The following CSNK1G3 variants were observed in gnomAD, a reference collection of about 807,000 sequenced individuals.
CSNK1G3 encodes casein kinase I isoform gamma-3.
A neutral mutation model predicts 64.3 loss-of-function variants in CSNK1G3; 23 were observed. The ratio of observed to expected loss-of-function variants is 0.36; its 90% CI spans 0.26 to 0.51. CSNK1G3 has a LOEUF of 0.51. Among genes scored for constraint, CSNK1G3 ranks in the 20% least tolerant of loss-of-function variants. The pLI is 0.96. For synonymous variants in CSNK1G3, 158 were observed against 162.2 expected, an observed-to-expected ratio of 0.97 and a Z score of 0.20; for missense variants, 357 against 510.5, an observed-to-expected ratio of 0.70 and a Z score of 2.90.
chr5:123,538,955 T>C (rs1781255602), intron 1 of CSNK1G3, among the ~76,000 whole-genome samples: 2 of 152,160 alleles, frequency 1.3e-5, no homozygotes, highest in African/African-American at 4.8e-5. Context: ...TACCCCTCTT[T>C]ATGGTTCTGG....
chr5:123,560,155 C>G (rs1785401692), intron 4 of CSNK1G3, among the ~76,000 whole-genome samples: 1 of 152,050 alleles, frequency 6.6e-6, no homozygotes, highest in African/African-American at 2.4e-5. Flanking sequence ...GGAAATGCAG[C>G]TGGAAACCAT....
At chr5:123,520,530 C>T (rs956526654) in intron 1 of CSNK1G3, among the ~76,000 whole-genome samples, 2 of 149,306 alleles carry the variant, frequency 1.3e-5, no homozygotes, top group African/African-American at 2.5e-5. Flanking sequence ...GTGTTTTCTA[C>T]CAGTTTAGAT....
At position 123,521,111 on chromosome 5, in the gene CSNK1G3, A is replaced by G. The variant is rs141719348; in HGVS notation, c.-248+8541A>G. On this transcript the variant is annotated intron_variant, in intron 1 of 12. Transcript: ENST00000345990. The stretch of plus-strand genomic sequence containing the variant: ...AAAATAGTCTAGTATTGTTTTGGAG[A>G]TGAAACTAGTAGGTGTCAGTTTTAG... Among the ~76,000 whole-genome samples, 135 of 152,220 alleles carry G rather than the reference A, an allele frequency of 8.9e-4. 1 individual carries two copies. Among genetic ancestry groups the G allele is most frequent in the South Asian group, 2.1e-3 (10 of 4,822 alleles).
chr5:123,605,468 A>G (rs1795204866), intron 12 of CSNK1G3, 106 bp downstream of exon 13: 4 of 1,193,754 alleles, frequency 3.4e-6, no homozygotes, highest in Non-Finnish European at 4.8e-6. Context: ...CACAGTGATT[A>G]TAATTGGTAA....
intron 3 of CSNK1G3, among the ~76,000 whole-genome samples, chr5:123,555,077 T>C (rs531835628): frequency 6.6e-6 from 1 of 152,392 alleles, no homozygotes; most frequent in East Asian, 1.9e-4. Flanking sequence ...ATCTCTGTCC[T>C]CTTAACTAGT....
chr5:123,546,853 GAAGC>G (rs1435785967), intron 2 of CSNK1G3, among the ~76,000 whole-genome samples: 1 of 152,114 alleles, frequency 6.6e-6, no homozygotes, highest in African/African-American at 2.4e-5. Flanking sequence ...ATATTTGAAT[GAAGC>G]AAGCCAATAA....
At chr5:123,529,422 TA>T (rs1779576348) in intron 1 of CSNK1G3, among the ~76,000 whole-genome samples, 1 of 152,156 alleles carries the variant, frequency 6.6e-6, no homozygotes, top group Non-Finnish European at 1.5e-5. Flanking sequence ...AAATCAGTAT[TA>T]AAAATGTACT....
At chr5:123,601,047 ATC>A (rs924827330) in intron 10 of CSNK1G3, among the ~76,000 whole-genome samples, 31 of 152,156 alleles carry the variant, frequency 2.0e-4, no homozygotes, top group African/African-American at 6.3e-4. Context: ...ACCTCAGAAT[ATC>A]TGTCATTTTT....
intron 1 of CSNK1G3, among the ~76,000 whole-genome samples, chr5:123,542,085 C>T (rs1781758854): frequency 6.6e-6 from 1 of 151,772 alleles, no homozygotes; most frequent in African/African-American, 2.4e-5. Context: ...AATATTTTCC[C>T]CATCTGTTTT....
At chr5:123,523,394 C>T (rs1167237077) in intron 1 of CSNK1G3, among the ~76,000 whole-genome samples, 1 of 152,078 alleles carries the variant, frequency 6.6e-6, no homozygotes, top group Non-Finnish European at 1.5e-5. Context: ...ATGTTGCTTC[C>T]TGGGTCAGGA....
At chr5:123,590,334 G>A (rs892655456) in intron 8 of CSNK1G3, 76 bp from the exon 9 acceptor site, 4 of 639,968 alleles carry the variant, frequency 6.3e-6, no homozygotes, top group Non-Finnish European at 9.3e-6. Flanking sequence ...ATAATACAAT[G>A]TGCTTTTAGA....
At chr5:123,541,062 A>G (rs953961490) in intron 1 of CSNK1G3, among the ~76,000 whole-genome samples, 2 of 152,230 alleles carry the variant, frequency 1.3e-5, no homozygotes, top group African/African-American at 2.4e-5. Flanking sequence ...TATTTTATAC[A>G]TGGCAGTTAG....
chr5:123,596,264 G>GTC (rs1443103689), intron 10 of CSNK1G3, among the ~76,000 whole-genome samples: 1 of 152,038 alleles, frequency 6.6e-6, no homozygotes, highest in Non-Finnish European at 1.5e-5. Context: ...ATCTATAAAA[G>GTC]TCTAGGGTGA....
At chr5:123,587,548 A>G (rs952549185) in intron 6 of CSNK1G3, among the ~76,000 whole-genome samples, 15 of 152,222 alleles carry the variant, frequency 9.9e-5, no homozygotes, top group Non-Finnish European at 1.8e-4. Context: ...TAATGTTGGT[A>G]TGTGTCAAAC....
intron 12 of CSNK1G3, among the ~76,000 whole-genome samples, chr5:123,608,023 G>A (rs1053161771): frequency 6.6e-6 from 1 of 151,796 alleles, no homozygotes; most frequent in Non-Finnish European, 1.5e-5. Context: ...CTGAACTATT[G>A]GGCTCAAGTG....
chr5:123,570,404 A>G (rs1208164201), intron 4 of CSNK1G3, among the ~76,000 whole-genome samples: 1 of 133,870 alleles, frequency 7.5e-6, no homozygotes, highest in East Asian at 2.2e-4. Flanking sequence ...GCCAGGCTGG[A>G]GTGCAGTGGC....
intron 4 of CSNK1G3, among the ~76,000 whole-genome samples, chr5:123,565,160 A>T (rs1561531218): frequency 1.3e-5 from 2 of 152,212 alleles, no homozygotes; most frequent in Non-Finnish European, 2.9e-5. Context: ...AAATGTCTTT[A>T]ATGTCTGGCT....
At chr5:123,612,365 A>G (rs1291986825) in intron 12 of CSNK1G3, among the ~76,000 whole-genome samples, 9 of 152,222 alleles carry the variant, frequency 5.9e-5, no homozygotes, top group Non-Finnish European at 1.3e-4. Context: ...AGATTATGTA[A>G]TTTAACTGGA....
chr5:123,605,514 C>CTG, intron 12 of CSNK1G3, 152 bp downstream of exon 13: 1 of 826,516 alleles, frequency 1.2e-6, no homozygotes. Flanking sequence ...ATTAAGATAG[C>CTG]TCTGAAAAGC....
Sources: gnomAD v4.1 joint callset for allele counts (sites outside exome capture counted in the v4.1 genomes callset) on GRCh38, gnomAD v4.1.1 for gene constraint, MANE v1.5 for transcripts, NCBI Gene and HGNC (gene_info 2026-07-23, HGNC 2026-07-21) for gene names.